The following TTC7B variants were observed in gnomAD, a reference collection of about 807,000 sequenced individuals.
TTC7B encodes tetratricopeptide repeat protein 7B.
Under a neutral mutation model 106.8 loss-of-function variants are expected in TTC7B, and 28 were observed. The ratio of observed to expected loss-of-function variants is 0.26; its 90% CI spans 0.19 to 0.36. The LOEUF is 0.36. Among genes scored for constraint, TTC7B ranks in the 10% least tolerant of loss-of-function variants. TTC7B has a pLI of 1.00. For synonymous variants in TTC7B, 405 were observed against 430.6 expected (o/e 0.94, Z 0.74); for missense variants, 862 against 1,076.4 (o/e 0.80, Z 2.79).
intron 19 of TTC7B, among the ~76,000 whole-genome samples, chr14:90,551,376 T>G (rs1227473766): frequency 6.6e-6 from 1 of 152,172 alleles, no homozygotes; most frequent in East Asian, 1.9e-4. Flanking sequence ...CCAGGCTTTC[T>G]GGAAGCCCAC....
chr14:90,605,623 G>A (rs1210407192), intron 17 of TTC7B: 1 of 1,287,460 alleles, frequency 7.8e-7, no homozygotes, highest in African/African-American at 1.5e-5. Flanking sequence ...GCGGGGACCT[G>A]CGTCACTGAA....
At chr14:90,739,249 A>T (rs1889665196) in intron 4 of TTC7B, among the ~76,000 whole-genome samples, 1 of 152,214 alleles carries the variant, frequency 6.6e-6, no homozygotes, top group Admixed American at 6.5e-5. Context: ...CAAGCTATGA[A>T]CTGTCCCCTT....
chr14:90,694,930 T>TAAA (rs1887646181), intron 6 of TTC7B, among the ~76,000 whole-genome samples: 1 of 19,548 alleles, frequency 5.1e-5, no homozygotes, highest in Non-Finnish European at 1.1e-4. Flanking sequence ...TAAATATATG[T>TAAA]ATAATATGTC....
chr14:90,786,478 G>A (rs1428299824), intron 1 of TTC7B, 150 bp from the exon 2 acceptor site: 3 of 777,266 alleles, frequency 3.9e-6, no homozygotes, highest in Non-Finnish European at 6.1e-6. Flanking sequence ...TAGGGTCTAA[G>A]TGGGCACCAC....
chr14:90,641,951 G>C (rs972807796), intron 15 of TTC7B, among the ~76,000 whole-genome samples: 1 of 152,018 alleles, frequency 6.6e-6, no homozygotes, highest in Non-Finnish European at 1.5e-5. Flanking sequence ...GTGTGTGTGT[G>C]TGTGTGTGTG....
At chr14:90,814,072 T>TC (rs879750830) in intron 1 of TTC7B, among the ~76,000 whole-genome samples, 4 of 152,358 alleles carry the variant, frequency 2.6e-5, no homozygotes, top group Admixed American at 2.6e-4. Context: ...ACTCACCATG[T>TC]GAGTCTCTAG....
intron 3 of TTC7B, among the ~76,000 whole-genome samples, chr14:90,753,745 T>G (rs968802454): frequency 6.6e-6 from 1 of 152,222 alleles, no homozygotes; most frequent in African/African-American, 2.4e-5. Flanking sequence ...CCTGAATTGC[T>G]GTTTTCCTGC....
rs1428960130 is a variant in TTC7B, at chr14:90,655,101, C to A, written c.1351G>T (p.Ala451Ser). 6.2e-7 allele frequency: 1 copy of A among 1,612,784 alleles called. No individual in the cohort carries two copies. Among genetic ancestry groups the A allele is most frequent in the Non-Finnish European group, 8.5e-7 (1 of 1,178,772 alleles). The stretch of plus-strand genomic sequence containing the variant: ...ACGACAGTTTTGGCAAACTTTTCAG[C>A]CTCTTCCAACTGAAAAATGAGACAA... ...CMGSLHWLEE[A>S]EKFAKTVVDV... The change falls in exon 12 of 20, where the codon GCT becomes TCT. Residue 451 changes from alanine to serine, a missense_variant. Physicochemically the swap from Ala to Ser is moderately conservative, Grantham distance 99 (BLOSUM62 1). Transcript: ENST00000328459.
At chr14:90,810,594 G>A (rs2030845997) in intron 1 of TTC7B, among the ~76,000 whole-genome samples, 1 of 152,178 alleles carries the variant, frequency 6.6e-6, no homozygotes, top group South Asian at 2.1e-4. Flanking sequence ...TTCCTTCAAA[G>A]GAAACCTTAA....
At chr14:90,670,371 G>T (rs1388855255) in intron 9 of TTC7B, among the ~76,000 whole-genome samples, 2 of 152,158 alleles carry the variant, frequency 1.3e-5, no homozygotes. Flanking sequence ...AAAAGTTATT[G>T]CTTGATGGGT....
chr14:90,555,256 C>T (rs929776911), intron 19 of TTC7B, among the ~76,000 whole-genome samples: 2 of 152,188 alleles, frequency 1.3e-5, no homozygotes, highest in African/African-American at 4.8e-5. Context: ...GGAGAAGCTC[C>T]GAGGACATGA....
rs561902643 is a variant in TTC7B at position 90,763,670 on chromosome 14, A to T, written c.445+17068T>A. On this transcript the variant is annotated intron_variant, in intron 3 of 19. Coordinates refer to ENST00000328459, the MANE Select transcript of TTC7B (RefSeq NM_001010854.2). ...AATGAGCTCAGCAGGGTTAAAGGAT[A>T]CAAGATTAATAAACAAAAATGAGCT... Among the ~76,000 whole-genome samples the T allele has an allele frequency of 7.2e-5, 11 of 152,358 alleles. No homozygotes were observed. The East Asian group carries it at 2.1e-3, about 29-fold the overall frequency.
intron 9 of TTC7B, among the ~76,000 whole-genome samples, chr14:90,670,999 C>A (rs1028308599): frequency 2.0e-5 from 3 of 152,140 alleles, no homozygotes; most frequent in Non-Finnish European, 2.9e-5. Flanking sequence ...GTGCATTCAG[C>A]AAGTTGTTAT....
intron 5 of TTC7B, among the ~76,000 whole-genome samples, chr14:90,719,273 C>CA (rs936394427): frequency 1.3e-5 from 2 of 151,986 alleles, no homozygotes; most frequent in Admixed American, 6.6e-5. Flanking sequence ...GACCCTGCCT[C>CA]AAAAAAACAA....
At position 90,786,164 on chromosome 14, in the gene TTC7B, C is replaced by T. The variant is rs1891379998; in HGVS notation, c.276+10G>A. 4 of 1,530,086 alleles carry T rather than the reference C, an allele frequency of 2.6e-6. No homozygotes were observed. Among genetic ancestry groups the T allele is most frequent in the Admixed American group, 2.2e-5 (1 of 46,374 alleles). 94.8% of individuals were successfully genotyped at this position (1,530,086 alleles called of 1,614,324 possible). A position where few individuals can be genotyped will look rare whatever the true frequency, so the allele number is the denominator to read the frequency against. Reference sequence around the variant, plus strand: ...AGGAAGTGTCGCCTCAGCCCAGAGGCCCATGGTACCTTAAGGTTCCCTCGG... The same window carrying T: ...AGGAAGTGTCGCCTCAGCCCAGAGGTCCATGGTACCTTAAGGTTCCCTCGG... On this transcript the variant is annotated intron_variant, in intron 2 of 19. Transcript: ENST00000328459.
intron 18 of TTC7B, among the ~76,000 whole-genome samples, chr14:90,579,591 A>G (rs912423239): frequency 3.3e-5 from 5 of 152,154 alleles, no homozygotes; most frequent in Admixed American, 6.5e-5. Context: ...TGAGGTCAGG[A>G]GTTCGAAACC....
intron 9 of TTC7B, among the ~76,000 whole-genome samples, chr14:90,665,338 G>A (rs552046859): frequency 5.3e-5 from 8 of 152,196 alleles, no homozygotes; most frequent in Middle Eastern, 3.2e-3. Flanking sequence ...ATTTAAGTGC[G>A]AGTCAAAATG....
intron 1 of TTC7B, among the ~76,000 whole-genome samples, chr14:90,801,166 A>G (rs1372790740): frequency 6.9e-6 from 1 of 145,504 alleles, no homozygotes; most frequent in East Asian, 2.1e-4. Flanking sequence ...TCGAGGCTGT[A>G]GTGAGCCATG....
intron 5 of TTC7B, among the ~76,000 whole-genome samples, chr14:90,711,136 T>C (rs1336297870): frequency 6.6e-6 from 1 of 152,128 alleles, no homozygotes; most frequent in East Asian, 1.9e-4. Flanking sequence ...TATCAGAGGG[T>C]CATAGGAATA....
Sources: allele counts gnomAD v4.1 joint callset (sites outside exome capture counted in the v4.1 genomes callset), GRCh38; gene constraint gnomAD v4.1.1; transcripts MANE v1.5; gene names NCBI Gene and HGNC (gene_info 2026-07-23, HGNC 2026-07-21).